TACR1: variants seen among roughly 807,000 people sequenced by gnomAD.
The protein encoded by TACR1 is substance-P receptor.
TACR1 carries 25 observed loss-of-function variants against 35.8 expected under a neutral mutation model. That is an observed-to-expected ratio of 0.70 (90% confidence interval 0.51 to 0.98). TACR1 has a LOEUF of 0.98. Ranked by LOEUF, TACR1 falls within the 50% of genes least tolerant of loss-of-function variation. The probability of loss-of-function intolerance (pLI) is 0.00; values close to 1 mark genes in which losing one functional copy is unlikely to be tolerated. For synonymous variants in TACR1, 195 were observed against 206.7 expected, an observed-to-expected ratio of 0.94 and a Z score of 0.48; for missense variants, 478 against 522.9, an observed-to-expected ratio of 0.91 and a Z score of 0.84.
At chr2:75,087,240 T>A (rs1475094536) in intron 2 of TACR1, among the ~76,000 whole-genome samples, 1 of 152,218 alleles carries the variant, frequency 6.6e-6, no homozygotes, top group East Asian at 1.9e-4. Flanking sequence ...ACTAGAAAAT[T>A]AAAAATTCCA....
chr2:75,143,265 T>A (rs972704432), intron 1 of TACR1, among the ~76,000 whole-genome samples: 2 of 152,212 alleles, frequency 1.3e-5, no homozygotes, highest in Non-Finnish European at 2.9e-5. Context: ...TGAATTTTAC[T>A]TTTTCTTGAC....
At chr2:75,094,219 T>C (rs866071044) in intron 2 of TACR1, among the ~76,000 whole-genome samples, 1 of 152,186 alleles carries the variant, frequency 6.6e-6, no homozygotes, top group East Asian at 1.9e-4. Context: ...AGGGATAAAG[T>C]TGAATAAACA....
intron 2 of TACR1, among the ~76,000 whole-genome samples, chr2:75,084,018 A>G (rs1332142814): frequency 6.6e-6 from 1 of 152,116 alleles, no homozygotes; most frequent in Non-Finnish European, 1.5e-5. Context: ...TTTCAAAGGG[A>G]ATGCTTCCAG....
chr2:75,068,820 A>G (rs1054781647), intron 2 of TACR1, among the ~76,000 whole-genome samples: 1 of 152,214 alleles, frequency 6.6e-6, no homozygotes, highest in African/African-American at 2.4e-5. Context: ...TGGCCCAAGA[A>G]TTCTCCATTG....
At chr2:75,081,418 G>C (rs756114178) in intron 2 of TACR1, among the ~76,000 whole-genome samples, 3 of 152,192 alleles carry the variant, frequency 2.0e-5, no homozygotes, top group Non-Finnish European at 4.4e-5. Flanking sequence ...TTAGACAGGG[G>C]ATGCTGAAAT....
chr2:75,112,188 A>G (rs7600024), intron 2 of TACR1, among the ~76,000 whole-genome samples: 108,195 of 151,822 alleles, frequency 0.71, 39,393 homozygotes, highest in African/African-American at 0.86. Flanking sequence ...TTGTGTGTGC[A>G]TGTGTAATTT....
At chr2:75,117,520 A>C (rs1215642454) in intron 2 of TACR1, among the ~76,000 whole-genome samples, 1 of 152,182 alleles carries the variant, frequency 6.6e-6, no homozygotes, top group Non-Finnish European at 1.5e-5. Context: ...CCTTACCCCT[A>C]TCCAGGGCAC....
chr2:75,151,469 G>A (rs1674668304), intron 1 of TACR1, among the ~76,000 whole-genome samples: 1 of 152,246 alleles, frequency 6.6e-6, no homozygotes, highest in African/African-American at 2.4e-5. Context: ...CAAGCCCCAA[G>A]CCTTGGCAGC....
intron 1 of TACR1, among the ~76,000 whole-genome samples, chr2:75,152,199 G>A (rs113244040): frequency 0.026 from 3,958 of 152,250 alleles, 153 homozygotes; most frequent in African/African-American, 0.09. Flanking sequence ...TGCATGATTG[G>A]TTTTGAAATG....
chr2:75,094,855 A>ATT (rs1351976784), intron 2 of TACR1, among the ~76,000 whole-genome samples: 3 of 87,920 alleles, frequency 3.4e-5, no homozygotes, highest in African/African-American at 1.8e-4. Context: ...ATATATATAT[A>ATT]TATATTTTTT....
intron 1 of TACR1, among the ~76,000 whole-genome samples, chr2:75,157,528 T>C (rs1450506238): frequency 6.6e-6 from 1 of 152,142 alleles, no homozygotes; most frequent in East Asian, 1.9e-4. Context: ...TCACAAACAA[T>C]GTGTCAAAGA....
At chr2:75,116,187 C>T (rs1673854453) in intron 2 of TACR1, among the ~76,000 whole-genome samples, 1 of 152,110 alleles carries the variant, frequency 6.6e-6, no homozygotes, top group South Asian at 2.1e-4. Flanking sequence ...TCCTCTCAAC[C>T]TCTGCCTCCC....
At chr2:75,067,783 C>G (rs1672796217) in intron 2 of TACR1, among the ~76,000 whole-genome samples, 1 of 152,132 alleles carries the variant, frequency 6.6e-6, no homozygotes, top group Admixed American at 6.5e-5. Flanking sequence ...ATTGGAGAAG[C>G]TAACAGAATG....
intron 2 of TACR1, among the ~76,000 whole-genome samples, chr2:75,082,981 T>C (rs1325310669): frequency 2.0e-5 from 3 of 152,334 alleles, no homozygotes; most frequent in Middle Eastern, 6.8e-3. Context: ...TTTGGTGTTT[T>C]AGTCATGAAG....
intron 2 of TACR1, among the ~76,000 whole-genome samples, chr2:75,099,780 C>G (rs1452382276): frequency 6.6e-6 from 1 of 152,164 alleles, no homozygotes; most frequent in Non-Finnish European, 1.5e-5. Flanking sequence ...TCGACTTCCT[C>G]AGGGCTTTTT....
intron 4 of TACR1, among the ~76,000 whole-genome samples, chr2:75,050,018 CTT>C (rs1164975385): frequency 1.3e-5 from 2 of 152,216 alleles, no homozygotes; most frequent in Admixed American, 6.5e-5. Context: ...GGTCAGCAGA[CTT>C]TGAGTCAATT....
intron 2 of TACR1, among the ~76,000 whole-genome samples, chr2:75,084,648 A>G (rs1673157732): frequency 1.3e-5 from 2 of 152,134 alleles, no homozygotes; most frequent in Non-Finnish European, 2.9e-5. Flanking sequence ...TTCCTGGTTT[A>G]GTCTTGGGAG....
chr2:75,152,754 T>C (rs761207933), intron 1 of TACR1, among the ~76,000 whole-genome samples: 81 of 152,238 alleles, frequency 5.3e-4, no homozygotes, highest in Non-Finnish European at 9.7e-4. Context: ...GCTCTCTTAG[T>C]CACCCCAATG....
intron 3 of TACR1, among the ~76,000 whole-genome samples, chr2:75,053,113 A>T (rs990586504): frequency 6.6e-6 from 1 of 152,134 alleles, no homozygotes; most frequent in Non-Finnish European, 1.5e-5. Flanking sequence ...ACACCACCAC[A>T]GTCAGGATAC....
Sources: allele counts gnomAD v4.1 joint callset (sites outside exome capture counted in the v4.1 genomes callset), GRCh38; gene constraint gnomAD v4.1.1; transcripts MANE v1.5; gene names NCBI Gene and HGNC (gene_info 2026-07-23, HGNC 2026-07-21).